The following KIF20B variants were observed in gnomAD, a reference collection of about 807,000 sequenced individuals.
KIF20B encodes the protein kinesin family member 20B.
A neutral mutation model predicts 232.5 loss-of-function variants in KIF20B; 188 were observed. That is an observed-to-expected ratio of 0.81 (90% CI 0.72 to 0.91). The LOEUF (loss-of-function observed/expected upper bound fraction) is 0.91, where lower values mean the gene tolerates loss of function less well. Among genes scored for constraint, KIF20B ranks in the 40% least tolerant of loss-of-function variants. KIF20B has a pLI of 0.00. For missense variants in KIF20B, 2,154 were observed against 2,055.9 expected (o/e 1.05, Z -0.92); for synonymous variants, 712 against 683.0 (o/e 1.04, Z -0.66).
At chr10:89,703,544 A>G (rs565896498) in intron 1 of KIF20B, among the ~76,000 whole-genome samples, 2 of 152,208 alleles carry the variant, frequency 1.3e-5, no homozygotes, top group African/African-American at 4.8e-5. Flanking sequence ...CACAGTGGAG[A>G]GTCTCCGGAT....
intron 13 of KIF20B, 26 bp downstream of exon 13, chr10:89,719,732 A>G: frequency 6.6e-7 from 1 of 1,521,450 alleles, no homozygotes; most frequent in Non-Finnish European, 8.9e-7. Flanking sequence ...TCATACTTCT[A>G]TGCTTGTCTT....
intron 9 of KIF20B, among the ~76,000 whole-genome samples, chr10:89,717,021 CAGTT>C (rs1426675100): frequency 2.6e-5 from 4 of 152,094 alleles, no homozygotes; most frequent in Non-Finnish European, 4.4e-5. Context: ...TTCCCGTAGT[CAGTT>C]GGGCATGGGA....
At chr10:89,746,497 G>A (rs1289512457) in intron 23 of KIF20B, among the ~76,000 whole-genome samples, 2 of 152,150 alleles carry the variant, frequency 1.3e-5, no homozygotes, top group Non-Finnish European at 2.9e-5. Flanking sequence ...GGTATCTGCT[G>A]GTGTGTTCTT....
At chr10:89,749,995 G>C (rs1169003741) in intron 23 of KIF20B, among the ~76,000 whole-genome samples, 2 of 152,142 alleles carry the variant, frequency 1.3e-5, no homozygotes, top group African/African-American at 2.4e-5. Context: ...GCTATGATGA[G>C]ATATCTGTCT....
chr10:89,769,237 T>C (rs1842421871), intron 31 of KIF20B, among the ~76,000 whole-genome samples: 1 of 151,928 alleles, frequency 6.6e-6, no homozygotes, highest in Admixed American at 6.6e-5. Context: ...TCCTGTGTAT[T>C]GAAATGTGGG....
At chr10:89,703,670 T>A (rs1372885154) in intron 1 of KIF20B, among the ~76,000 whole-genome samples, 2 of 151,964 alleles carry the variant, frequency 1.3e-5, no homozygotes, top group Admixed American at 6.6e-5. Flanking sequence ...AGGCTCTAAA[T>A]GGCTAAAAAT....
In KIF20B at chr10:89,715,992, A is replaced by AAAAT. The variant is rs372772817; in HGVS notation, c.941-416_941-413dup. On this transcript the variant is annotated intron_variant, in intron 8 of 32. Transcript: ENST00000371728. ...GGCAACAGAGTGAAACCTTGTCTCC[A>AAAAT]AAATAAATAAATAAATAAATAAATA... is the stretch of plus-strand genomic sequence containing the variant. Among the ~76,000 whole-genome samples, 925 of 149,054 alleles carry AAAAT rather than the reference A, an allele frequency of 6.2e-3. 10 individuals are homozygous for AAAAT. The highest frequency in any genetic ancestry group is 0.018 in the African/African-American group (732 of 39,990).
intron 30 of KIF20B, 65 bp from the exon 31 acceptor site, chr10:89,768,673 G>A: frequency 7.1e-7 from 1 of 1,416,488 alleles, no homozygotes; most frequent in Non-Finnish European, 9.5e-7. Flanking sequence ...TAATTCAGCT[G>A]TGGCCATAAC....
At chr10:89,754,409 A>G in intron 25 of KIF20B, 109 bp from the exon 26 acceptor site, 5 of 561,676 alleles carry the variant, frequency 8.9e-6, no homozygotes, top group Non-Finnish European at 1.1e-5. Flanking sequence ...GTGAAACATT[A>G]AAGTTTTTAT....
chr10:89,768,612 ACATACT>A (rs1221705054), intron 30 of KIF20B, 120 bp from the exon 31 acceptor site: 3 of 927,240 alleles, frequency 3.2e-6, no homozygotes, highest in Admixed American at 6.1e-5. Flanking sequence ...CCCTGTCCTT[ACATACT>A]TAAAGTTTCC....
intron 17 of KIF20B, among the ~76,000 whole-genome samples, chr10:89,728,477 G>A (rs181293021): frequency 6.6e-6 from 1 of 152,198 alleles, no homozygotes; most frequent in African/African-American, 2.4e-5. Flanking sequence ...ACTTTATGAT[G>A]TAACTTGCCC....
At chr10:89,736,312 A>G (rs577176099) in intron 19 of KIF20B, among the ~76,000 whole-genome samples, 24 of 152,248 alleles carry the variant, frequency 1.6e-4, no homozygotes, top group Non-Finnish European at 2.8e-4. Flanking sequence ...ATAAATTTAT[A>G]TATCTAGAAG....
intron 29 of KIF20B, among the ~76,000 whole-genome samples, chr10:89,763,886 T>TTTA (rs1564675657): frequency 6.8e-6 from 1 of 146,830 alleles, no homozygotes; most frequent in East Asian, 2.0e-4. Context: ...ATTTATATAT[T>TTTA]TTTATTTATT....
chr10:89,718,593 C>T, intron 11 of KIF20B, 117 bp from the exon 12 acceptor site: 2 of 746,614 alleles, frequency 2.7e-6, no homozygotes, highest in Non-Finnish European at 4.6e-6. Flanking sequence ...CTAATCACTA[C>T]CCTAAAGTTT....
At chr10:89,720,545 C>A (rs991013013) in intron 13 of KIF20B, among the ~76,000 whole-genome samples, 9 of 152,222 alleles carry the variant, frequency 5.9e-5, no homozygotes, top group Admixed American at 3.9e-4. Context: ...TCCATCAGAC[C>A]TTTATTTTGC....
chr10:89,750,603 T>G (rs1401884787), intron 23 of KIF20B, among the ~76,000 whole-genome samples: 1 of 152,114 alleles, frequency 6.6e-6, no homozygotes, highest in Non-Finnish European at 1.5e-5. Flanking sequence ...TCAGTAATAG[T>G]TGGTAAGAGT....
chr10:89,763,290 G>A (rs948862802), intron 29 of KIF20B, among the ~76,000 whole-genome samples: 1 of 151,960 alleles, frequency 6.6e-6, no homozygotes, highest in African/African-American at 2.4e-5. Flanking sequence ...GAAAAATAAA[G>A]AATATTACTG....
At position 89,738,392 on chromosome 10, in the gene KIF20B, A is replaced by C. The variant is rs762149860; in HGVS notation, c.3551A>C (p.Glu1184Ala). ...KVECSHSAKLEQDILEKESII... is the reference protein window; with the variant it reads ...KVECSHSAKLAQDILEKESII... ...GAATGTAGTCATTCAGCCAAGTTAGAACAAGACATTTTGGAAAAGGAATCT... is the reference window on the plus strand; with the variant it reads ...GAATGTAGTCATTCAGCCAAGTTAGCACAAGACATTTTGGAAAAGGAATCT... Residue 1184 changes from glutamate (E) to alanine (A), a missense_variant, in exon 20 of 33, where the codon GAA becomes GCA. Physicochemically the swap from Glu to Ala is moderately radical, Grantham distance 107 (BLOSUM62 -1). Coordinates refer to ENST00000371728, the MANE Select transcript of KIF20B (RefSeq NM_001284259.2). The C allele has an allele frequency of 6.2e-7, 1 of 1,602,432 alleles. No individual in the cohort carries two copies. The highest frequency in any genetic ancestry group is 8.5e-7 in the Non-Finnish European group (1 of 1,177,166).
At chr10:89,762,520 C>A in intron 28 of KIF20B, 118 bp from the exon 29 acceptor site, 1 of 689,236 alleles carries the variant, frequency 1.5e-6, no homozygotes, top group Non-Finnish European at 2.4e-6. Context: ...TGTGATCTAG[C>A]ACGCTTTTTG....
Sources: gnomAD v4.1 joint callset for allele counts (sites outside exome capture counted in the v4.1 genomes callset) on GRCh38, gnomAD v4.1.1 for gene constraint, MANE v1.5 for transcripts, NCBI Gene and HGNC (gene_info 2026-07-23, HGNC 2026-07-21) for gene names.